Variants in GPR137 observed in about 807,000 individuals in gnomAD.
The protein encoded by GPR137 is integral membrane protein GPR137.
In GPR137, 20 loss-of-function variants were observed where a neutral mutation model predicts 38.9. That is an observed-to-expected ratio of 0.51 (90% CI 0.36 to 0.75). The LOEUF (loss-of-function observed/expected upper bound fraction) is 0.75. Among genes scored for constraint, GPR137 ranks in the 30% least tolerant of loss-of-function variants. The pLI is 0.00. For missense variants in GPR137, 456 were observed against 526.4 expected (o/e 0.87, Z 1.31); for synonymous variants, 226 against 235.8 (o/e 0.96, Z 0.38).
Position 64,286,215 on chromosome 11 carries a change from C to A in GPR137, c.-310C>A. On this transcript the variant is annotated 5_prime_UTR_variant, in exon 1 of 7. Coordinates refer to ENST00000438980, the MANE Select transcript of GPR137 (RefSeq NM_001170880.2). ...AGTCCTCTCCTTGGGCCTCTGCATC[C>A]CCCCATCCTTGGCTCTGGGGTAGGC... 8.5e-7 allele frequency: 1 copy of A among 1,174,284 alleles called. No individual in the cohort carries two copies. The highest frequency in any genetic ancestry group is 1.1e-6 in the Non-Finnish European group (1 of 948,132). 72.7% of individuals were successfully genotyped at this position (1,174,284 alleles called of 1,614,324 possible).
chr11:64,275,488 G>C (rs535834416), upstream of GPR137, among the ~76,000 whole-genome samples: 1 of 152,080 alleles, frequency 6.6e-6, no homozygotes, highest in African/African-American at 2.4e-5. Flanking sequence ...TGCCAGGATC[G>C]CCATGACAAC....
Position 64,288,918 on chromosome 11 carries a change from T to C in GPR137, c.1032-119T>C, listed in dbSNP as rs144167337. On this transcript the variant is annotated intron_variant, in intron 6 of 6. Transcript: ENST00000438980. The surrounding 1 kb of genome is among the most constrained non-coding windows in gnomAD (Gnocchi z 5.5). ...ACCTCTTGCCTAGAGATGTACTTTG[T>C]CCTGGGCCCCGAAGGTCTAGGTCAC... is the stretch of plus-strand genomic sequence containing the variant. The C allele has an allele frequency of 1.1e-3, 1,614 of 1,442,952 alleles. 14 individuals carry two copies. In the East Asian group the frequency reaches 0.024, roughly 22 times the overall value. 89.4% of individuals were successfully genotyped at this position (1,442,952 alleles called of 1,614,324 possible).
At chr11:64,276,916 A>AT in intron 2 of GPR137, 1 of 762,038 alleles carries the variant, frequency 1.3e-6, no homozygotes, top group Non-Finnish European at 2.4e-6. Flanking sequence ...CTAGCTTTAC[A>AT]TTCTCTGCGT....
chr11:64,278,520 C>T (rs555001351), intron 2 of GPR137, among the ~76,000 whole-genome samples: 13 of 152,188 alleles, frequency 8.5e-5, no homozygotes, highest in East Asian at 5.8e-4. Context: ...ATCAGGTCCT[C>T]GCCACAGCCC....
upstream of GPR137, chr11:64,284,617 C>T (rs2033731562): frequency 1.3e-6 from 2 of 1,507,828 alleles, no homozygotes; most frequent in Non-Finnish European, 1.8e-6. Flanking sequence ...GTGGTGACGG[C>T]GCACAGGTCT....
upstream of GPR137, chr11:64,284,749 CGGAACGTCACTCG>C (rs752859657): frequency 6.5e-7 from 1 of 1,535,670 alleles, no homozygotes; most frequent in South Asian, 1.2e-5. Context: ...AATCACCTCT[CGGAACGTCACTCG>C]GGTAGGTCCA....
rs1214483195 is a variant in GPR137 at position 64,286,432 on chromosome 11, A to T, written c.-93A>T. On this transcript the variant is annotated 5_prime_UTR_variant, in exon 1 of 7. Coordinates refer to ENST00000438980, the MANE Select transcript of GPR137 (RefSeq NM_001170880.2). ...CTGAGCGCCCCATCTCCCTCTCTGC[A>T]CCCTGCAATTCCCACCCCTCCGTAT... is the stretch of plus-strand genomic sequence containing the variant. 1 of 1,521,470 alleles carries T rather than the reference A, an allele frequency of 6.6e-7. No homozygotes were observed. Among genetic ancestry groups the T allele is most frequent in the Non-Finnish European group, 8.8e-7 (1 of 1,137,190 alleles). The allele number at this position is 1,521,470 out of a possible 1,614,324, so 94.2% of individuals were successfully genotyped here.
At chr11:64,285,473 G>A, upstream of GPR137, 1 of 984,838 alleles carries the variant, frequency 1.0e-6, no homozygotes, top group Non-Finnish European at 1.2e-6. Flanking sequence ...GGGGCCCGGG[G>A]GCCATCTTGG....
chr11:64,289,199 C>A lies in GPR137; in HGVS notation c.*3C>A, dbSNP rs751769598. On this transcript the variant is annotated 3_prime_UTR_variant, in exon 7 of 7. Coordinates refer to ENST00000438980, the MANE Select transcript of GPR137 (RefSeq NM_001170880.2). ...TCTACTCCACCCCACAGACGTGATCCCCCTCCCTCCCCCACAGAATACCCA... is the reference window on the plus strand; with the variant it reads ...TCTACTCCACCCCACAGACGTGATCACCCTCCCTCCCCCACAGAATACCCA... 25 of 1,611,408 alleles carry A rather than the reference C, an allele frequency of 1.6e-5. 1 individual carries two copies. Among genetic ancestry groups the A allele is most frequent in the Middle Eastern group, 3.3e-4 (2 of 6,084 alleles).
chr11:64,288,943 C>A lies in GPR137; in HGVS notation c.1032-94C>A, dbSNP rs2034469107. ...TCCTGGGCCCCGAAGGTCTAGGTCA[C>A]AGGGGTTCTGTTCTAAGCCTGTCTT... On this transcript the variant is annotated intron_variant, in intron 6 of 6. Transcript: ENST00000438980. This position sits in a 1 kb window ranked among gnomAD's most constrained non-coding sequence, Gnocchi z 5.5. 2.1e-6 allele frequency: 3 copies of A among 1,449,230 alleles called. No individual in the cohort carries two copies. Among genetic ancestry groups the A allele is most frequent in the Admixed American group, 2.6e-5 (1 of 37,760 alleles). The allele number at this position is 1,449,230 out of a possible 1,614,324, so 89.8% of individuals were successfully genotyped here.
At chr11:64,285,351 G>A (rs2033834529), upstream of GPR137, 2 of 985,230 alleles carry the variant, frequency 2.0e-6, no homozygotes, top group East Asian at 1.1e-4. Context: ...GGGCCCGTGG[G>A]GGCTTCACGC....
upstream of GPR137, chr11:64,284,559 C>T (rs1288929858): frequency 1.3e-6 from 2 of 1,494,974 alleles, no homozygotes; most frequent in East Asian, 2.5e-5. Context: ...CGGCTCAGGA[C>T]CTCAGTCTCC....
chr11:64,285,467 C>T, upstream of GPR137: 1 of 984,486 alleles, frequency 1.0e-6, no homozygotes, highest in Non-Finnish European at 1.2e-6. Context: ...GGGGGCGGGG[C>T]CCGGGGGCCA....
At chr11:64,287,695 C>T (rs1037381355) in intron 2 of GPR137, 26 bp from the exon 3 acceptor site, 12 of 1,600,802 alleles carry the variant, frequency 7.5e-6, no homozygotes, top group Non-Finnish European at 1.0e-5. Context: ...TGTTGAGGGC[C>T]CGCGCTGACT....
At chr11:64,281,697 T>TC (rs909762191), upstream of GPR137, among the ~76,000 whole-genome samples, 19 of 151,932 alleles carry the variant, frequency 1.3e-4, no homozygotes, top group Non-Finnish European at 4.4e-5. Flanking sequence ...CTACCATCAC[T>TC]CCCCCCGCCC....
chr11:64,289,170 A>C lies in GPR137; in HGVS notation c.1165A>C (p.Ser389Arg). The change falls in exon 7 of 7, where the codon AGT (serine) becomes CGT (arginine). Residue 389 changes from serine (S) to arginine (R), a missense_variant. By Grantham distance (110) the Ser-to-Arg change is moderately radical. Coordinates refer to ENST00000438980, the MANE Select transcript of GPR137 (RefSeq NM_001170880.2). ...GCCAGGACCAGGCGGCCACCACCAC[A>C]GTCTCTACTCCACCCCACAGACGTG... ...QVPGPGGHHH[S>R]LYSTPQT 6.2e-7 allele frequency: 1 copy of C among 1,613,634 alleles called. No individual in the cohort carries two copies. Among genetic ancestry groups the C allele is most frequent in the Non-Finnish European group, 8.5e-7 (1 of 1,179,786 alleles).
rs369811291 is a variant in GPR137 at position 64,286,900 on chromosome 11, G to T, written c.357+19G>T. 15 of 1,608,680 alleles carry T rather than the reference G, an allele frequency of 9.3e-6. No homozygotes were observed. The African/African-American group carries it at 1.2e-4, about 13-fold the overall frequency. ...TGCCCAGGTAACCAACTGTGGTCCC[G>T]GGTGGGGGGCGGGAGGTGGCAAGCC... On this transcript the variant is annotated intron_variant, in intron 1 of 6. Coordinates refer to ENST00000438980, the MANE Select transcript of GPR137 (RefSeq NM_001170880.2).
upstream of GPR137, chr11:64,285,087 C>A: frequency 9.3e-7 from 1 of 1,079,464 alleles, no homozygotes; most frequent in Non-Finnish European, 1.1e-6. Flanking sequence ...CTTGGCACAG[C>A]CACAACTGAA....
intron 2 of GPR137, chr11:64,287,439 G>A (rs150864754): frequency 0.011 from 7,087 of 672,778 alleles, 39 homozygotes; most frequent in Non-Finnish European, 0.012. Flanking sequence ...GAGAGATGAA[G>A]AAACTGAGGC....
Sources: allele counts gnomAD v4.1 joint callset (sites outside exome capture counted in the v4.1 genomes callset), GRCh38; gene constraint gnomAD v4.1.1; non-coding constraint Gnocchi (gnomAD v3.1); transcripts MANE v1.5; gene names NCBI Gene and HGNC (gene_info 2026-07-23, HGNC 2026-07-21).